Variants in ZP3 observed in about 807,000 individuals in gnomAD.
The protein encoded by ZP3 is zona pellucida sperm-binding protein 3.
In ZP3, 21 loss-of-function variants were observed where a neutral mutation model predicts 35.6. The observed-to-expected ratio is 0.59, with a 90% confidence interval of 0.42 to 0.85. ZP3 has a LOEUF of 0.85. Among genes scored for constraint, ZP3 ranks in the 40% least tolerant of loss-of-function variants. The pLI, the probability that ZP3 is intolerant of heterozygous loss-of-function variation, is 0.00. For missense variants in ZP3, 437 were observed against 536.5 expected (o/e 0.81, Z 1.83); for synonymous variants, 207 against 214.5 (o/e 0.96, Z 0.31).
intron 1 of ZP3, among the ~76,000 whole-genome samples, chr7:76,408,116 G>GTAGGA (rs1805100792): frequency 6.6e-6 from 1 of 152,144 alleles, no homozygotes; most frequent in Admixed American, 6.6e-5. Flanking sequence ...GGTTCTGTTT[G>GTAGGA]GGCTACACTG....
chr7:76,436,291 C>A (rs1385841298), intron 5 of ZP3, among the ~76,000 whole-genome samples: 1 of 152,082 alleles, frequency 6.6e-6, no homozygotes, highest in Non-Finnish European at 1.5e-5. Flanking sequence ...AAACGATCCA[C>A]CTGCCTTGGC....
Position 76,405,274 on chromosome 7 carries a change from TATATA to T in ZP3, c.-67+7478_-67+7482del, listed in dbSNP as rs1804964066. ...GTGCATCACCACACCCAGCTAATTA[TATATA>T]TATATATATATATATATATATATAT... On this transcript the variant is annotated intron_variant, in intron 1 of 8. Transcript: ENST00000336517. 2.4e-3 allele frequency among the ~76,000 whole-genome samples: 52 copies of T among 21,250 alleles called. 1 individual carries two copies. The highest frequency in any genetic ancestry group is 4.1e-3 in the African/African-American group (13 of 3,144). The allele number at this position is 21,250 out of a possible 152,430, so 13.9% of individuals were successfully genotyped here.
upstream of ZP3, among the ~76,000 whole-genome samples, chr7:76,421,634 G>A (rs551301107): frequency 4.2e-4 from 62 of 147,772 alleles, no homozygotes; most frequent in Middle Eastern, 3.4e-3. Context: ...ATGGAGTCTC[G>A]CCCAGGCTGG....
chr7:76,400,214 C>A, intron 1 of ZP3: 3 of 1,384,650 alleles, frequency 2.2e-6, no homozygotes, highest in South Asian at 1.9e-5. Flanking sequence ...GAAGTCCCTT[C>A]ATTTATCTAG....
At chr7:76,425,414 G>A (rs769272790) in intron 1 of ZP3, 138 bp downstream of exon 1, 11 of 941,348 alleles carry the variant, frequency 1.2e-5, no homozygotes, top group African/African-American at 1.7e-5. Context: ...CCCAGTTGAG[G>A]CCTGAAGCTG....
At position 76,433,466 on chromosome 7, in the gene ZP3, T is replaced by A. The variant is rs201797464; in HGVS notation, c.536-4T>A. ...CACCATGCCCAGCTGACTGTGTCTT[T>A]CAGAGAACTGGAACGCTGAGAAGAG... On this transcript the variant is annotated splice_polypyrimidine_tract_variant and splice_region_variant and intron_variant, in intron 3 of 7. Coordinates refer to ENST00000394857, the MANE Select transcript of ZP3 (RefSeq NM_001110354.2). The A allele has an allele frequency of 6.6e-4, 1,066 of 1,610,890 alleles. 10 individuals are homozygous for A. The Middle Eastern group carries it at 0.025, about 38-fold the overall frequency.
chr7:76,398,934 G>T, intron 1 of ZP3: 1 of 793,254 alleles, frequency 1.3e-6, no homozygotes, highest in Non-Finnish European at 2.1e-6. Context: ...TCACAGCCAG[G>T]AACACTGGGG....
chr7:76,425,534 ACT>A (rs1023051592), intron 1 of ZP3, among the ~76,000 whole-genome samples: 4 of 151,532 alleles, frequency 2.6e-5, no homozygotes, highest in Non-Finnish European at 1.5e-5. Context: ...AAGCCACGCC[ACT>A]CTCTCTCAGG....
chr7:76,419,121 C>A, intron 1 of ZP3, among the ~76,000 whole-genome samples: 1 of 151,958 alleles, frequency 6.6e-6, no homozygotes, highest in Non-Finnish European at 1.5e-5. Context: ...CTAGTCCCTG[C>A]CGTATTGAGA....
intron 1 of ZP3, chr7:76,401,031 T>C (rs779935278): frequency 1.3e-6 from 2 of 1,549,096 alleles, no homozygotes; most frequent in South Asian, 1.2e-5. Context: ...TGGAGTGGGC[T>C]GTAGGGCGCT....
chr7:76,412,956 C>A (rs1055707428), intron 1 of ZP3, among the ~76,000 whole-genome samples: 9 of 94,558 alleles, frequency 9.5e-5, no homozygotes, highest in East Asian at 3.0e-4. Flanking sequence ...TTGTCTTCTT[C>A]TTCTTCTTCT....
chr7:76,407,167 AC>A lies in ZP3; in HGVS notation c.-67+9372del, dbSNP rs527988519. Among the ~76,000 whole-genome samples, 388 of 151,824 alleles carry A rather than the reference AC, an allele frequency of 2.6e-3. 2 individuals are homozygous for A. Among genetic ancestry groups the A allele is most frequent in the African/African-American group, 8.8e-3 (365 of 41,398 alleles). On this transcript the variant is annotated intron_variant, in intron 1 of 8. Coordinates refer to the ZP3 transcript ENST00000336517. ...GTAGAGACGGGGTTTCCCCATGTTG[AC>A]CTGGCTGGTCTGGAACTCCTGACCT...
rs751186472 is a variant in ZP3, at chr7:76,425,098, A to G, written c.134A>G (p.Glu45Gly). 1.9e-6 allele frequency: 3 copies of G among 1,613,764 alleles called. No individual in the cohort carries two copies. The highest frequency in any genetic ancestry group is 2.2e-5 in the South Asian group (2 of 91,062). Residue 45 changes from glutamate to glycine, a missense_variant, in exon 1 of 8, where the codon GAG (glutamate) becomes GGG (glycine). Glu to Gly is a moderately conservative substitution (Grantham distance 98). Transcript: ENST00000394857. ...PETSVQPVLV[E>G]CQEATLMVMV... ...ACGTCCGTACAGCCCGTACTGGTGG[A>G]GTGTCAGGAGGCCACTCTGATGGTC...
At chr7:76,415,524 C>T (rs942629934) in intron 1 of ZP3, among the ~76,000 whole-genome samples, 15 of 150,962 alleles carry the variant, frequency 9.9e-5, no homozygotes, top group African/African-American at 3.4e-4. Context: ...GACAGAGTCT[C>T]GCTTTGTCAC....
intron 2 of ZP3, among the ~76,000 whole-genome samples, chr7:76,430,087 A>C (rs1480222503): frequency 3.3e-5 from 5 of 151,938 alleles, no homozygotes; most frequent in African/African-American, 1.2e-4. Flanking sequence ...CCGGGTGTCT[A>C]TAATCCCAGC....
chr7:76,414,725 G>A (rs1162354083), intron 1 of ZP3, among the ~76,000 whole-genome samples: 28 of 110,130 alleles, frequency 2.5e-4, no homozygotes, highest in African/African-American at 9.4e-4. Flanking sequence ...TTTTTGAGAC[G>A]GAGTCTTGCT....
At chr7:76,438,557 A>AAG (rs759616662) in intron 5 of ZP3, among the ~76,000 whole-genome samples, 9 of 143,906 alleles carry the variant, frequency 6.3e-5, no homozygotes, top group South Asian at 4.3e-4. Context: ...AAAAAAAAAA[A>AAG]GGGTAGCGGG....
chr7:76,423,046 A>AG (rs1334884465), upstream of ZP3, among the ~76,000 whole-genome samples: 1 of 144,622 alleles, frequency 6.9e-6, no homozygotes, highest in Non-Finnish European at 1.5e-5. Context: ...AAAGAAAGAA[A>AG]GAAAGAAAGA....
At chr7:76,412,912 C>T (rs1471744076) in intron 1 of ZP3, among the ~76,000 whole-genome samples, 1 of 151,056 alleles carries the variant, frequency 6.6e-6, no homozygotes, top group African/African-American at 2.4e-5. Context: ...ACCACACATC[C>T]CTATACATTC....
Sources: allele counts gnomAD v4.1 joint callset (sites outside exome capture counted in the v4.1 genomes callset), GRCh38; gene constraint gnomAD v4.1.1; transcripts MANE v1.5; gene names NCBI Gene and HGNC (gene_info 2026-07-23, HGNC 2026-07-21).